Variants in SORCS2 observed in about 807,000 individuals in gnomAD.
SORCS2 encodes sortilin related VPS10 domain containing receptor 2.
SORCS2 carries 100 observed loss-of-function variants against 141.6 expected under a neutral mutation model. The observed-to-expected ratio is 0.71, with a 90% CI of 0.60 to 0.83. The LOEUF is 0.83. SORCS2 is among the 40% of genes least tolerant of loss of function. The pLI is 0.00. For synonymous variants in SORCS2, 789 were observed against 676.9 expected, an observed-to-expected ratio of 1.17 and a Z score of -2.57; for missense variants, 1,646 against 1,560.2, an observed-to-expected ratio of 1.05 and a Z score of -0.93.
At chr4:7,377,352 G>A (rs1722725809) in intron 1 of SORCS2, among the ~76,000 whole-genome samples, 1 of 75,430 alleles carries the variant, frequency 1.3e-5, no homozygotes, top group South Asian at 4.1e-4. Flanking sequence ...AACTGGGGCT[G>A]TGACGGGGGG....
At chr4:7,583,677 G>A (rs971495827) in intron 3 of SORCS2, among the ~76,000 whole-genome samples, 5 of 152,156 alleles carry the variant, frequency 3.3e-5, no homozygotes, top group Admixed American at 6.5e-5. Flanking sequence ...CTGCTGCCAC[G>A]TAAGATGTGC....
intron 10 of SORCS2, among the ~76,000 whole-genome samples, chr4:7,683,704 C>T (rs1035590699): frequency 6.6e-6 from 1 of 152,214 alleles, no homozygotes; most frequent in Non-Finnish European, 1.5e-5. Context: ...AGTGTACCAT[C>T]GCACTGCCAG....
Position 7,227,473 on chromosome 4 carries a change from C to T in SORCS2, c.480+34347C>T, listed in dbSNP as rs1428996036. On this transcript the variant is annotated intron_variant, in intron 1 of 26. Transcript: ENST00000507866. ...CTCATCACGTCCTCCACAGCCTCCACAGCAGCCTGCAGGTTGTGATCCTGT... is the reference window on the plus strand; with the variant it reads ...CTCATCACGTCCTCCACAGCCTCCATAGCAGCCTGCAGGTTGTGATCCTGT... Among the ~76,000 whole-genome samples, 4 of 152,342 alleles carry T rather than the reference C, an allele frequency of 2.6e-5. No homozygotes were observed. The East Asian group carries it at 7.7e-4, about 29-fold the overall frequency.
At chr4:7,662,236 C>G (rs1188191847) in intron 6 of SORCS2, among the ~76,000 whole-genome samples, 3 of 148,944 alleles carry the variant, frequency 2.0e-5, no homozygotes, top group Admixed American at 2.0e-4. Context: ...CCCCCCCTCC[C>G]CCACCCCCAC....
At position 7,723,706 on chromosome 4, in the gene SORCS2, C is replaced by A; in HGVS notation, c.2434C>A (p.Leu812Met). ...FVVRQEQGDVLTTKYQVDLGD... is the reference protein window; with the variant it reads ...FVVRQEQGDVMTTKYQVDLGD... ...TGGTGTTTCTCTGCAGGGTGATGTC[C>A]TGACTACCAAGTACCAGGTAGACCT... The change falls in exon 19 of 27, where the codon CTG becomes ATG. Residue 812 changes from leucine to methionine, a missense_variant. Physicochemically the swap from Leu to Met is conservative, Grantham distance 15. Coordinates refer to ENST00000507866, the MANE Select transcript of SORCS2 (RefSeq NM_020777.3). 1 of 1,613,962 alleles carries A rather than the reference C, an allele frequency of 6.2e-7. No homozygotes were observed. The highest frequency in any genetic ancestry group is 1.3e-5 in the African/African-American group (1 of 75,054).
chr4:7,343,839 A>G (rs1272854483), intron 1 of SORCS2, among the ~76,000 whole-genome samples: 1 of 152,176 alleles, frequency 6.6e-6, no homozygotes, highest in African/African-American at 2.4e-5. Flanking sequence ...GCTCTGCTCC[A>G]CGAGGAAGGT....
intron 17 of SORCS2, among the ~76,000 whole-genome samples, chr4:7,715,607 G>A (rs1432753881): frequency 6.6e-6 from 1 of 152,220 alleles, no homozygotes; most frequent in Non-Finnish European, 1.5e-5. Context: ...GCCTTGAGTT[G>A]GCTCTGGACA....
At chr4:7,509,258 A>G (rs934440087) in intron 2 of SORCS2, among the ~76,000 whole-genome samples, 7 of 152,284 alleles carry the variant, frequency 4.6e-5, no homozygotes, top group Admixed American at 2.0e-4. Context: ...CCTGGGGGCC[A>G]GGGCCACCTA....
At chr4:7,313,173 T>C (rs900962177) in intron 1 of SORCS2, among the ~76,000 whole-genome samples, 1 of 152,274 alleles carries the variant, frequency 6.6e-6, no homozygotes, top group African/African-American at 2.4e-5. Context: ...CCATTTCCGA[T>C]GCATTCATTG....
intron 1 of SORCS2, among the ~76,000 whole-genome samples, chr4:7,344,934 A>AC (rs1228639768): frequency 6.6e-6 from 1 of 151,862 alleles, no homozygotes; most frequent in Non-Finnish European, 1.5e-5. Context: ...TCTGGGGGCC[A>AC]CCCAGACCCC....
At chr4:7,723,577 T>C in intron 18 of SORCS2, 120 bp from the exon 19 acceptor site, 2 of 1,157,338 alleles carry the variant, frequency 1.7e-6, no homozygotes, top group East Asian at 2.4e-5. Flanking sequence ...AGCCCACTCA[T>C]GTCAAGGAAG....
At chr4:7,334,279 C>A (rs977355962) in intron 1 of SORCS2, among the ~76,000 whole-genome samples, 3 of 152,166 alleles carry the variant, frequency 2.0e-5, no homozygotes, top group Admixed American at 2.0e-4. Flanking sequence ...CCGCAGCAGC[C>A]ACCTTGGACC....
intron 2 of SORCS2, among the ~76,000 whole-genome samples, chr4:7,471,194 T>A (rs899890184): frequency 2.0e-5 from 3 of 152,182 alleles, no homozygotes; most frequent in Non-Finnish European, 2.9e-5. Flanking sequence ...GGGGCCAGCA[T>A]CCTGCATCCT....
At chr4:7,573,746 G>GGGCCAGA (rs1715546847) in intron 3 of SORCS2, among the ~76,000 whole-genome samples, 1 of 152,208 alleles carries the variant, frequency 6.6e-6, no homozygotes, top group South Asian at 2.1e-4. Flanking sequence ...ATAGGACTAG[G>GGGCCAGA]GGCCAGAGGC....
intron 3 of SORCS2, among the ~76,000 whole-genome samples, chr4:7,564,606 G>A (rs1336043752): frequency 1.3e-5 from 2 of 152,232 alleles, no homozygotes; most frequent in East Asian, 1.9e-4. Flanking sequence ...TCACATGGAA[G>A]GAAGGCAGCT....
chr4:7,553,504 G>C (rs1577738697), intron 3 of SORCS2, among the ~76,000 whole-genome samples: 1 of 152,248 alleles, frequency 6.6e-6, no homozygotes, highest in African/African-American at 2.4e-5. Flanking sequence ...TGCAGACTGA[G>C]ATAAAGGCAA....
chr4:7,501,500 C>T (rs1731974413), intron 2 of SORCS2, among the ~76,000 whole-genome samples: 1 of 125,360 alleles, frequency 8.0e-6, no homozygotes, highest in African/African-American at 3.2e-5. Context: ...AGGGCGAAGG[C>T]ACCAGGGCTG....
At chr4:7,654,231 AC>A in intron 5 of SORCS2, 24 bp downstream of exon 5, 1 of 1,559,076 alleles carries the variant, frequency 6.4e-7, no homozygotes, top group Non-Finnish European at 8.7e-7. Flanking sequence ...CCCACCCCAA[AC>A]CCATGGGGCC....
intron 2 of SORCS2, among the ~76,000 whole-genome samples, chr4:7,406,888 T>C (rs972854388): frequency 6.6e-6 from 1 of 152,132 alleles, no homozygotes; most frequent in Non-Finnish European, 1.5e-5. Flanking sequence ...TGTTTCCATT[T>C]TAGTTTGTTT....
Sources: gnomAD v4.1 joint callset for allele counts (sites outside exome capture counted in the v4.1 genomes callset) on GRCh38, gnomAD v4.1.1 for gene constraint, MANE v1.5 for transcripts, NCBI Gene and HGNC (gene_info 2026-07-23, HGNC 2026-07-21) for gene names.